The following DST variants were observed in gnomAD, a reference collection of about 807,000 sequenced individuals.
DST encodes the protein bullous pemphigoid antigen.
DST carries 253 observed loss-of-function variants against 875.2 expected under a neutral mutation model. That is an observed-to-expected ratio of 0.29 (90% CI 0.26 to 0.32). The LOEUF (loss-of-function observed/expected upper bound fraction) is 0.32. Among genes scored for constraint, DST ranks in the 10% least tolerant of loss-of-function variants. The pLI is 1.00. For missense variants in DST, 8,287 were observed against 9,111.6 expected, an observed-to-expected ratio of 0.91 and a Z score of 3.68; for synonymous variants, 3,124 against 3,197.1, an observed-to-expected ratio of 0.98 and a Z score of 0.77.
intron 4 of DST, among the ~76,000 whole-genome samples, chr6:56,807,846 A>T (rs2099755012): frequency 6.6e-6 from 1 of 152,198 alleles, no homozygotes; most frequent in South Asian, 2.1e-4. Context: ...TGTCATCAAA[A>T]GCATGAACCA....
At chr6:56,924,223 T>C (rs1449538807) in intron 2 of DST, among the ~76,000 whole-genome samples, 1 of 152,072 alleles carries the variant, frequency 6.6e-6, no homozygotes, top group East Asian at 1.9e-4. Context: ...AACCATCACA[T>C]AGTGCTTGCC....
At chr6:56,902,796 C>A (rs1016426542) in intron 2 of DST, among the ~76,000 whole-genome samples, 4 of 152,200 alleles carry the variant, frequency 2.6e-5, no homozygotes, top group Admixed American at 2.0e-4. Context: ...GAAGAGGGAA[C>A]TGGGCCAAAT....
At chr6:56,836,625 C>T (rs2099793848) in intron 4 of DST, among the ~76,000 whole-genome samples, 1 of 151,754 alleles carries the variant, frequency 6.6e-6, no homozygotes, top group African/African-American at 2.4e-5. Context: ...CCGAGGCGGG[C>T]GGATCACGAG....
intron 2 of DST, among the ~76,000 whole-genome samples, chr6:56,908,435 T>C (rs993613539): frequency 1.3e-5 from 2 of 152,328 alleles, no homozygotes; most frequent in South Asian, 4.1e-4. Context: ...GCCATAAACC[T>C]GGTATCATCA....
chr6:56,504,220 A>ATTACC, intron 77 of DST, 122 bp from the exon 78 acceptor site: 1 of 672,846 alleles, frequency 1.5e-6, no homozygotes. Flanking sequence ...AGACTATTTT[A>ATTACC]TAAAAAATTA....
chr6:56,599,702 C>T (rs532662344), intron 45 of DST, among the ~76,000 whole-genome samples: 1 of 151,990 alleles, frequency 6.6e-6, no homozygotes, highest in South Asian at 2.1e-4. Context: ...TAAGAAGGAG[C>T]TAAGAAAGAG....
chr6:56,526,062 A>G (rs1256072932), intron 69 of DST, among the ~76,000 whole-genome samples: 1 of 152,220 alleles, frequency 6.6e-6, no homozygotes, highest in Non-Finnish European at 1.5e-5. Context: ...AGCAATATGC[A>G]TATGTGTAGA....
chr6:56,694,491 A>G (rs2099251563), intron 9 of DST, among the ~76,000 whole-genome samples: 1 of 152,206 alleles, frequency 6.6e-6, no homozygotes, highest in Non-Finnish European at 1.5e-5. Flanking sequence ...CCAGAAGAGA[A>G]GCTGGTAAAA....
At chr6:56,716,388 T>C (rs1273741499) in intron 5 of DST, among the ~76,000 whole-genome samples, 5 of 152,226 alleles carry the variant, frequency 3.3e-5, no homozygotes, top group Non-Finnish European at 7.3e-5. Flanking sequence ...TTCCACAAAA[T>C]GAATCATAGA....
intron 4 of DST, among the ~76,000 whole-genome samples, chr6:56,825,673 G>T (rs1350371103): frequency 2.0e-5 from 3 of 152,002 alleles, no homozygotes; most frequent in Non-Finnish European, 2.9e-5. Flanking sequence ...ACAACTGTGG[G>T]GTTAATTTCT....
intron 43 of DST, chr6:56,601,931 C>A: frequency 2.2e-6 from 1 of 449,676 alleles, no homozygotes; most frequent in Non-Finnish European, 4.0e-6. Context: ...TTACCTGTCA[C>A]ATTGCACTTA....
At chr6:56,621,907 G>T (rs189605699) in intron 36 of DST, among the ~76,000 whole-genome samples, 163 of 152,142 alleles carry the variant, frequency 1.1e-3, no homozygotes, top group African/African-American at 3.8e-3. Context: ...CTAATTTCTT[G>T]ATCTCCAATA....
intron 5 of DST, among the ~76,000 whole-genome samples, chr6:56,734,744 C>T (rs1479271356): frequency 4.6e-5 from 7 of 152,162 alleles, no homozygotes; most frequent in Non-Finnish European, 7.4e-5. Context: ...GAAAGTTAGA[C>T]ATAAGCACCA....
chr6:56,842,146 C>T (rs1390879171), intron 4 of DST, among the ~76,000 whole-genome samples: 1 of 151,964 alleles, frequency 6.6e-6, no homozygotes, highest in Non-Finnish European at 1.5e-5. Flanking sequence ...CATATAATAC[C>T]ACTGAAATTA....
chr6:56,598,484 T>C lies in DST; in HGVS notation c.11920A>G (p.Thr3974Ala). 5.1e-6 allele frequency: 8 copies of C among 1,559,246 alleles called. No homozygotes were observed. The highest frequency in any genetic ancestry group is 6.9e-6 in the Non-Finnish European group (8 of 1,152,612). The change falls in exon 46 of 104, where the codon ACT becomes GCT. Residue 3974 changes from threonine to alanine, a missense_variant. Coordinates refer to ENST00000680361, the MANE Select transcript of DST (RefSeq NM_001374736.1). ...KVVTTAIKEE[T>A]EKVAAVKQLE... ...CATATTTGAATAAGGACCTTTTCAG[T>C]TTCTTCCTTGATTGCTGTTGTCACA...
rs1332908145 is a variant in DST at position 56,900,591 on chromosome 6, T to C, written c.247A>G (p.Arg83Gly). ...GCAGCTGCGGCCGCTGCAACTCGTC[T>C]TCTAAGATGCCGAGGGCTTGCTCTG... ...GFRASPRHLRRRVAAAAAARL... is the reference protein window; with the variant it reads ...GFRASPRHLRGRVAAAAAARL... The change falls in exon 3 of 104, where the codon AGA becomes GGA. Residue 83 changes from arginine to glycine, a missense_variant. Transcript: ENST00000680361. 2 of 1,367,648 alleles carry C rather than the reference T, an allele frequency of 1.5e-6. No individual in the cohort carries two copies. Among genetic ancestry groups the C allele is most frequent in the South Asian group, 1.1e-5 (1 of 88,046 alleles). The allele number at this position is 1,367,648 out of a possible 1,614,324, so 84.7% of individuals were successfully genotyped here.
At chr6:56,699,820 G>A (rs2099285686) in intron 8 of DST, 75 bp from the exon 9 acceptor site, 1 of 602,346 alleles carries the variant, frequency 1.7e-6, no homozygotes, top group Non-Finnish European at 2.7e-6. Context: ...CTACATAAAA[G>A]CAATTCTAAA....
chr6:56,909,011 T>C (rs1417182843), intron 2 of DST, among the ~76,000 whole-genome samples: 4 of 147,240 alleles, frequency 2.7e-5, no homozygotes, highest in African/African-American at 1.1e-4. Context: ...CTTCTATTCC[T>C]TTACTTTCTT....
intron 9 of DST, among the ~76,000 whole-genome samples, chr6:56,678,901 T>C (rs1328273900): frequency 1.3e-5 from 2 of 152,164 alleles, no homozygotes; most frequent in Non-Finnish European, 2.9e-5. Flanking sequence ...AGTTTTTTTC[T>C]TTTCTCTTGT....
Sources: allele counts gnomAD v4.1 joint callset (sites outside exome capture counted in the v4.1 genomes callset), GRCh38; gene constraint gnomAD v4.1.1; transcripts MANE v1.5; gene names NCBI Gene and HGNC (gene_info 2026-07-23, HGNC 2026-07-21).